Variants in RNASE10 observed in about 807,000 individuals in gnomAD.
The protein encoded by RNASE10 is inactive ribonuclease-like protein 10.
In RNASE10, 2 loss-of-function variants were observed where a neutral mutation model predicts 1.1. That is an observed-to-expected ratio of 1.82 (90% CI 0.74 to 5.73). RNASE10 has a LOEUF of 5.73. Ranked by LOEUF, RNASE10 falls within the 30% of genes most tolerant of loss-of-function variation. The pLI is 0.05. For synonymous variants in RNASE10, 97 were observed against 96.2 expected, an observed-to-expected ratio of 1.01 and a Z score of -0.05; for missense variants, 276 against 263.4, an observed-to-expected ratio of 1.05 and a Z score of -0.33.
intron 1 of RNASE10, among the ~76,000 whole-genome samples, chr14:20,507,563 T>C (rs978421722): frequency 7.0e-6 from 1 of 141,908 alleles, no homozygotes; most frequent in Non-Finnish European, 1.5e-5. Context: ...TATTGTCCTA[T>C]GACCCTGCCA....
In RNASE10 at chr14:20,510,604, T is replaced by C. The variant is rs765189406; in HGVS notation, c.217T>C (p.Trp73Arg). 10 of 1,614,066 alleles carry C rather than the reference T, an allele frequency of 6.2e-6. No homozygotes were observed. In the Admixed American group the frequency reaches 1.3e-4, roughly 22 times the overall value. Reference sequence around the variant, plus strand: ...GAGTGATCAACCGCTCAATGAATTTTGGTCCAGTGACTCACAGGACAAAGC... The same window carrying C: ...GAGTGATCAACCGCTCAATGAATTTCGGTCCAGTGACTCACAGGACAAAGC... Residue 73 changes from tryptophan (W) to arginine (R), a missense_variant, in exon 2 of 2, where the codon TGG becomes CGG. Trp to Arg is a moderately radical substitution (Grantham distance 101). Coordinates refer to ENST00000430083, the Ensembl canonical transcript of RNASE10.
At chr14:20,510,019 T>C (rs1384301703) in intron 1 of RNASE10, among the ~76,000 whole-genome samples, 1 of 149,554 alleles carries the variant, frequency 6.7e-6, no homozygotes, top group South Asian at 2.1e-4. Flanking sequence ...CTTGGGAGGC[T>C]GAAGCAGAAG....
Position 20,510,452 on chromosome 14 carries a change from C to T in RNASE10, c.80-15C>T, listed in dbSNP as rs1221547629. On this transcript the variant is annotated splice_polypyrimidine_tract_variant and intron_variant, in intron 1 of 1. Transcript: ENST00000430083. ...TCTCAAAGTCACGTTCTTCCATTTC[C>T]CGCTTCCTCTCCAGGCAAAATGAAG... 6.3e-7 allele frequency: 1 copy of T among 1,595,986 alleles called. No individual in the cohort carries two copies. The highest frequency in any genetic ancestry group is 8.5e-7 in the Non-Finnish European group (1 of 1,172,664).
upstream of RNASE10, among the ~76,000 whole-genome samples, chr14:20,505,257 GTTTGCTCCCTCTCCCTCT>G (rs1882660826): frequency 2.1e-5 from 2 of 96,938 alleles, no homozygotes; most frequent in African/African-American, 8.5e-5. Flanking sequence ...GAAAAAGTGA[GTTTGCTCCCTCTCCCTCT>G]CCCTCTCCCT....
At chr14:20,507,764 AG>A (rs1882790166) in intron 1 of RNASE10, among the ~76,000 whole-genome samples, 35 of 150,342 alleles carry the variant, frequency 2.3e-4, no homozygotes, top group Admixed American at 1.9e-3. Flanking sequence ...TTATTTATTT[AG>A]AGATAGATTC....
chr14:20,505,127 G>A (rs1030567016), upstream of RNASE10, among the ~76,000 whole-genome samples: 2 of 151,694 alleles, frequency 1.3e-5, no homozygotes, highest in African/African-American at 2.4e-5. Flanking sequence ...ATGCTGTAGG[G>A]TAGGACAAAG....
upstream of RNASE10, among the ~76,000 whole-genome samples, chr14:20,504,858 C>G (rs1002576538): frequency 6.6e-6 from 1 of 151,944 alleles, no homozygotes; most frequent in Non-Finnish European, 1.5e-5. Flanking sequence ...CTGAGGCCAA[C>G]GTAGCCTCAG....
At chr14:20,506,662 A>T (rs1594439756) in intron 1 of RNASE10, among the ~76,000 whole-genome samples, 1 of 71,320 alleles carries the variant, frequency 1.4e-5, no homozygotes, top group African/African-American at 6.6e-5. Flanking sequence ...TCCAGGAGGG[A>T]GGTGGGGGGT....
chr14:20,511,984 C>T (rs61994226), downstream of RNASE10, among the ~76,000 whole-genome samples: 26,538 of 151,636 alleles, frequency 0.18, 2,893 homozygotes, highest in East Asian at 0.58. Flanking sequence ...AGCAGATGTT[C>T]GTCCTATAGT....
intron 1 of RNASE10, among the ~76,000 whole-genome samples, chr14:20,509,419 T>C (rs1000732823): frequency 1.3e-5 from 2 of 152,252 alleles, no homozygotes; most frequent in African/African-American, 2.4e-5. Flanking sequence ...TTCATTCTTA[T>C]TCCATTTCTT....
At chr14:20,513,455 G>A (rs1882945274), downstream of RNASE10, among the ~76,000 whole-genome samples, 1 of 152,044 alleles carries the variant, frequency 6.6e-6, no homozygotes. Context: ...TTCCAATGTA[G>A]CTTCCTCTCT....
chr14:20,504,999 C>T (rs1397952094), upstream of RNASE10, among the ~76,000 whole-genome samples: 3 of 151,962 alleles, frequency 2.0e-5, no homozygotes, highest in African/African-American at 7.2e-5. Context: ...AATGAAAAAG[C>T]GTTATCTGAT....
chr14:20,504,439 G>A (rs981724000), upstream of RNASE10, among the ~76,000 whole-genome samples: 5 of 152,070 alleles, frequency 3.3e-5, no homozygotes, highest in Non-Finnish European at 7.4e-5. Flanking sequence ...AAATTTTCGA[G>A]CACTTTGGGA....
At chr14:20,512,188 C>T (rs1332208793), downstream of RNASE10, among the ~76,000 whole-genome samples, 1 of 152,118 alleles carries the variant, frequency 6.6e-6, no homozygotes, top group Admixed American at 6.6e-5. Flanking sequence ...CATTTAGCAT[C>T]GTTTCCGCTT....
intron 1 of RNASE10, among the ~76,000 whole-genome samples, chr14:20,507,094 G>C (rs1280939282): frequency 3.8e-4 from 56 of 147,428 alleles, no homozygotes; most frequent in South Asian, 6.6e-4. Context: ...TGCCCGGCCA[G>C]GACCCCGTCT....
upstream of RNASE10, among the ~76,000 whole-genome samples, chr14:20,504,300 C>T (rs1183852725): frequency 6.6e-6 from 1 of 152,188 alleles, no homozygotes; most frequent in African/African-American, 2.4e-5. Flanking sequence ...GAGGGAAGAA[C>T]TTGGGGAACG....
At chr14:20,507,704 A>G (rs1329870553) in intron 1 of RNASE10, among the ~76,000 whole-genome samples, 1 of 150,918 alleles carries the variant, frequency 6.6e-6, no homozygotes, top group Non-Finnish European at 1.5e-5. Context: ...TTATCCAGGT[A>G]CATTATTTTT....
chr14:20,510,538 C>G, exon 2 of RNASE10: 1 of 1,614,090 alleles, frequency 6.2e-7, no homozygotes, highest in Non-Finnish European at 8.5e-7. Flanking sequence ...GGGGATGGGC[C>G]TGGGGTTGGG....
chr14:20,510,138 A>G (rs1296805093), intron 1 of RNASE10, among the ~76,000 whole-genome samples: 1 of 151,890 alleles, frequency 6.6e-6, no homozygotes, highest in Non-Finnish European at 1.5e-5. Context: ...AAAAAAAAAA[A>G]AAGAATCAAT....
Sources: gnomAD v4.1 joint callset for allele counts (sites outside exome capture counted in the v4.1 genomes callset) on GRCh38, gnomAD v4.1.1 for gene constraint, MANE v1.5 for transcripts, NCBI Gene and HGNC (gene_info 2026-07-23, HGNC 2026-07-21) for gene names.